Variants in REEP1 observed in about 807,000 individuals in gnomAD.
The protein encoded by REEP1 is receptor expression-enhancing protein 1.
Under a neutral mutation model 40.3 loss-of-function variants are expected in REEP1, and 22 were observed. The observed-to-expected ratio is 0.55, with a 90% CI of 0.39 to 0.78. REEP1 has a LOEUF of 0.78. Among genes scored for constraint, REEP1 ranks in the 30% least tolerant of loss-of-function variants. The pLI is 0.00. For missense variants in REEP1, 280 were observed against 361.1 expected (o/e 0.78, Z 1.82); for synonymous variants, 116 against 139.2 (o/e 0.83, Z 1.17).
chr2:86,337,276 G>C lies in REEP1; in HGVS notation c.32+203C>G, dbSNP rs924077231. 1.0e-5 allele frequency: 3 copies of C among 286,342 alleles called. No homozygotes were observed. The highest frequency in any genetic ancestry group is 1.9e-5 in the Non-Finnish European group (3 of 159,028). The allele number at this position is 286,342 out of a possible 1,614,324, so 17.7% of individuals were successfully genotyped here. Reference sequence around the variant, plus strand: ...CCCCCCGCAAGCGGCCGCCGGCGCCGGCTGCCTCCTGGGCAGCAGCCGCGT... The same window carrying C: ...CCCCCCGCAAGCGGCCGCCGGCGCCCGCTGCCTCCTGGGCAGCAGCCGCGT... On this transcript the variant is annotated intron_variant, in intron 1 of 8. Coordinates refer to ENST00000538924, the MANE Select transcript of REEP1 (RefSeq NM_001371279.1). The surrounding 1 kb of genome is among the most constrained non-coding windows in gnomAD (Gnocchi z 5.8).
rs573346985 is a variant in REEP1, at chr2:86,242,602, C to T, written c.417+9355G>A. ...GCACCAACATGAGCAAAGGCAGAGG[C>T]AAGAAAGAGAAAATTCTGGAAACAG... On this transcript the variant is annotated intron_variant, in intron 5 of 8. Coordinates refer to ENST00000538924, the MANE Select transcript of REEP1 (RefSeq NM_001371279.1). Among the ~76,000 whole-genome samples, 4 of 152,056 alleles carry T rather than the reference C, an allele frequency of 2.6e-5. No individual in the cohort carries two copies. In the East Asian group the frequency reaches 7.7e-4, roughly 29 times the overall value.
At chr2:86,307,432 T>C (rs1679547094) in intron 1 of REEP1, among the ~76,000 whole-genome samples, 1 of 152,168 alleles carries the variant, frequency 6.6e-6, no homozygotes. Context: ...CTTAAGTAAA[T>C]TGTGTTCAAC....
chr2:86,256,937 C>A (rs1236219155), intron 3 of REEP1, among the ~76,000 whole-genome samples: 1 of 152,170 alleles, frequency 6.6e-6, no homozygotes, highest in African/African-American at 2.4e-5. Flanking sequence ...TTAACTCTCA[C>A]ACAGACACCC....
intron 1 of REEP1, among the ~76,000 whole-genome samples, chr2:86,328,130 T>C (rs1477993952): frequency 1.3e-5 from 2 of 152,178 alleles, no homozygotes; most frequent in Non-Finnish European, 2.9e-5. Context: ...GGGGCACGTG[T>C]GGACTCGTGG....
intron 1 of REEP1, among the ~76,000 whole-genome samples, chr2:86,300,619 G>T (rs1311837763): frequency 2.0e-5 from 3 of 152,094 alleles, no homozygotes. Context: ...TGAGACCAGG[G>T]CCCAGGGAAG....
At chr2:86,306,761 C>T (rs1679497539) in intron 1 of REEP1, among the ~76,000 whole-genome samples, 1 of 152,014 alleles carries the variant, frequency 6.6e-6, no homozygotes, top group Non-Finnish European at 1.5e-5. Context: ...GAGGCCAGGG[C>T]AGAGATTCTT....
intron 1 of REEP1, among the ~76,000 whole-genome samples, chr2:86,301,011 G>A (rs1372212775): frequency 6.6e-6 from 1 of 152,174 alleles, no homozygotes; most frequent in East Asian, 1.9e-4. Context: ...GAAGCTGTCA[G>A]AGCCAAGAAT....
At chr2:86,290,001 T>C (rs1384765233) in intron 1 of REEP1, among the ~76,000 whole-genome samples, 1 of 152,122 alleles carries the variant, frequency 6.6e-6, no homozygotes, top group African/African-American at 2.4e-5. Context: ...TCTTTCTTTC[T>C]TTTTTTGTTT....
intron 5 of REEP1, among the ~76,000 whole-genome samples, chr2:86,243,019 T>A (rs564601764): frequency 6.6e-6 from 1 of 152,114 alleles, no homozygotes; most frequent in South Asian, 2.1e-4. Flanking sequence ...AACTAAAGTA[T>A]GAAGGAAACA....
At chr2:86,279,094 T>A (rs978011508) in intron 2 of REEP1, among the ~76,000 whole-genome samples, 1 of 152,174 alleles carries the variant, frequency 6.6e-6, no homozygotes, top group Admixed American at 6.5e-5. Flanking sequence ...ATGCCATGCC[T>A]CCTACTTCTA....
intron 5 of REEP1, among the ~76,000 whole-genome samples, chr2:86,236,909 T>A (rs1675377375): frequency 6.6e-6 from 1 of 152,210 alleles, no homozygotes; most frequent in South Asian, 2.1e-4. Flanking sequence ...TAATTTTTTG[T>A]ATTTTTAGTA....
At chr2:86,308,827 G>A (rs1679623795) in intron 1 of REEP1, among the ~76,000 whole-genome samples, 1 of 152,216 alleles carries the variant, frequency 6.6e-6, no homozygotes, top group South Asian at 2.1e-4. Flanking sequence ...AAGCAGTAAA[G>A]AGAATTTGTG....
chr2:86,318,972 A>T (rs948763269), intron 1 of REEP1, among the ~76,000 whole-genome samples: 1 of 152,224 alleles, frequency 6.6e-6, no homozygotes, highest in Non-Finnish European at 1.5e-5. Context: ...GTAAACATTG[A>T]TATTCGATAT....
At chr2:86,313,712 C>T (rs543811094) in intron 1 of REEP1, among the ~76,000 whole-genome samples, 1 of 152,274 alleles carries the variant, frequency 6.6e-6, no homozygotes, top group East Asian at 1.9e-4. Context: ...AGGGCCAGGC[C>T]AGTGATGGAA....
intron 5 of REEP1, among the ~76,000 whole-genome samples, chr2:86,235,989 G>T (rs1376219345): frequency 6.6e-6 from 1 of 152,142 alleles, no homozygotes; most frequent in Non-Finnish European, 1.5e-5. Flanking sequence ...GGCCGAGGCA[G>T]GTGGATCACT....
chr2:86,328,572 G>A (rs1206124594), intron 1 of REEP1, among the ~76,000 whole-genome samples: 4 of 152,238 alleles, frequency 2.6e-5, no homozygotes, highest in Admixed American at 6.5e-5. Context: ...CCGGCTACTC[G>A]GGAGGCTGAG....
At chr2:86,330,414 GGTGTGTGTGTGTGTGTGTGTGTGT>G (rs55660803) in intron 1 of REEP1, among the ~76,000 whole-genome samples, 1 of 127,800 alleles carries the variant, frequency 7.8e-6, no homozygotes, top group African/African-American at 2.9e-5. Flanking sequence ...AGTGAATCCT[GGTGTGTGTGTGTGTGTGTGTGTGT>G]GTGTGTGTGT....
chr2:86,255,647 G>A (rs1055868856), intron 3 of REEP1, among the ~76,000 whole-genome samples: 1 of 152,116 alleles, frequency 6.6e-6, no homozygotes, highest in Non-Finnish European at 1.5e-5. Context: ...CTGGTCCACT[G>A]GGAACACAGA....
intron 1 of REEP1, among the ~76,000 whole-genome samples, chr2:86,326,403 A>C (rs970081817): frequency 6.6e-6 from 1 of 152,214 alleles, no homozygotes; most frequent in South Asian, 2.1e-4. Flanking sequence ...AACCAGTATA[A>C]GGAAAAAGAT....
Sources: allele counts gnomAD v4.1 joint callset (sites outside exome capture counted in the v4.1 genomes callset), GRCh38; gene constraint gnomAD v4.1.1; non-coding constraint Gnocchi (gnomAD v3.1); transcripts MANE v1.5; gene names NCBI Gene and HGNC (gene_info 2026-07-23, HGNC 2026-07-21).